MYO16: variants seen among roughly 807,000 people sequenced by gnomAD.
MYO16 encodes unconventional myosin-XVI.
MYO16 carries 94 observed loss-of-function variants against 205.3 expected under a neutral mutation model. The ratio of observed to expected loss-of-function variants is 0.46; its 90% CI spans 0.39 to 0.54. The LOEUF (loss-of-function observed/expected upper bound fraction) is 0.54, where lower values mean the gene tolerates loss of function less well. Among genes scored for constraint, MYO16 ranks in the 20% least tolerant of loss-of-function variants. MYO16 has a pLI of 0.00. For synonymous variants in MYO16, 988 were observed against 954.0 expected, an observed-to-expected ratio of 1.04 and a Z score of -0.66; for missense variants, 2,315 against 2,387.5, an observed-to-expected ratio of 0.97 and a Z score of 0.63.
chr13:108,719,289 G>A (rs1333374044), intron 3 of MYO16, among the ~76,000 whole-genome samples: 1 of 152,158 alleles, frequency 6.6e-6, no homozygotes, highest in Non-Finnish European at 1.5e-5. Context: ...TTTGTAGCAA[G>A]AAAGGGTTTC....
intron 2 of MYO16, among the ~76,000 whole-genome samples, chr13:108,691,398 G>A (rs1882890193): frequency 6.6e-6 from 1 of 152,020 alleles, no homozygotes; most frequent in South Asian, 2.1e-4. Flanking sequence ...AGGGGTGTGT[G>A]TCTGTGTGTG....
the MYO16 span, among the ~76,000 whole-genome samples, chr13:108,509,618 T>C: frequency 6.6e-6 from 1 of 152,196 alleles, no homozygotes; most frequent in East Asian, 1.9e-4. Flanking sequence ...CAGCATAATC[T>C]TGCTTGCTCT....
chr13:108,540,557 A>G, the MYO16 span, among the ~76,000 whole-genome samples: 2 of 152,164 alleles, frequency 1.3e-5, no homozygotes, highest in African/African-American at 4.8e-5. Flanking sequence ...GTGTGATTAT[A>G]CATAACAAAT....
intron 22 of MYO16, among the ~76,000 whole-genome samples, chr13:109,011,831 G>A (rs1885613008): frequency 6.6e-6 from 1 of 152,022 alleles, no homozygotes; most frequent in Non-Finnish European, 1.5e-5. Context: ...TTTAATAGGA[G>A]CAGGAGACTC....
At chr13:108,718,920 G>A (rs1884053222) in intron 3 of MYO16, among the ~76,000 whole-genome samples, 1 of 152,184 alleles carries the variant, frequency 6.6e-6, no homozygotes, top group African/African-American at 2.4e-5. Flanking sequence ...TGGCTTAGGG[G>A]ACAAAAGGGC....
chr13:108,581,918 G>C, the MYO16 span, among the ~76,000 whole-genome samples: 1 of 150,076 alleles, frequency 6.7e-6, no homozygotes, highest in Admixed American at 6.6e-5. Flanking sequence ...AAAAGAAAAA[G>C]TAGGGGAAGT....
At chr13:108,516,394 G>A in the MYO16 span, among the ~76,000 whole-genome samples, 1 of 152,026 alleles carries the variant, frequency 6.6e-6, no homozygotes, top group African/African-American at 2.4e-5. Flanking sequence ...CTAGTGAGAT[G>A]AACCCAGTAC....
At chr13:108,750,502 C>T (rs1885197415) in intron 4 of MYO16, among the ~76,000 whole-genome samples, 2 of 151,688 alleles carry the variant, frequency 1.3e-5, no homozygotes, top group Admixed American at 6.6e-5. Context: ...GGCACAGTGG[C>T]TCACACTTAT....
intron 2 of MYO16, among the ~76,000 whole-genome samples, chr13:108,701,882 T>C (rs1883323186): frequency 6.6e-6 from 1 of 152,006 alleles, no homozygotes; most frequent in East Asian, 1.9e-4. Context: ...AACAAACAAA[T>C]AGAAATTCTG....
intron 27 of MYO16, among the ~76,000 whole-genome samples, chr13:109,084,332 T>G (rs1404460046): frequency 7.3e-6 from 1 of 136,954 alleles, no homozygotes; most frequent in East Asian, 2.1e-4. Context: ...AACTGCCGCC[T>G]CCTCCGTGTG....
intron 32 of MYO16, among the ~76,000 whole-genome samples, chr13:109,163,370 A>AGAGGAGATAATGTCAAGG (rs1878478454): frequency 6.6e-6 from 1 of 152,168 alleles, no homozygotes; most frequent in African/African-American, 2.4e-5. Flanking sequence ...TCGAGAGGCA[A>AGAGGAGATAATGTCAAGG]GAGGAGATAA....
At chr13:108,685,121 C>G (rs1471893958) in intron 2 of MYO16, among the ~76,000 whole-genome samples, 1 of 151,058 alleles carries the variant, frequency 6.6e-6, no homozygotes, top group African/African-American at 2.4e-5. Flanking sequence ...CTTCCGGGTT[C>G]AAGCCATTCT....
chr13:108,790,254 G>C (rs1372056697), intron 5 of MYO16, among the ~76,000 whole-genome samples: 2 of 152,198 alleles, frequency 1.3e-5, no homozygotes, highest in Non-Finnish European at 2.9e-5. Flanking sequence ...ATTACCTTAA[G>C]AGGGACGGTT....
chr13:108,530,040 G>A, the MYO16 span, among the ~76,000 whole-genome samples: 57 of 152,326 alleles, frequency 3.7e-4, no homozygotes, highest in African/African-American at 1.2e-3. Flanking sequence ...GGACAGGTGG[G>A]TCCGTGTGCA....
chr13:108,502,327 A>AT, the MYO16 span, among the ~76,000 whole-genome samples: 1 of 152,204 alleles, frequency 6.6e-6, no homozygotes, highest in Non-Finnish European at 1.5e-5. Flanking sequence ...TTTGTTTCTT[A>AT]TTTTTGATGC....
chr13:109,003,666 T>C (rs1471371522), intron 21 of MYO16, among the ~76,000 whole-genome samples: 1 of 152,230 alleles, frequency 6.6e-6, no homozygotes, highest in Non-Finnish European at 1.5e-5. Flanking sequence ...ACTGCTTTGA[T>C]TAAACCAGGG....
chr13:109,090,949 TTC>T (rs1203521950), intron 27 of MYO16, among the ~76,000 whole-genome samples: 2 of 152,170 alleles, frequency 1.3e-5, no homozygotes, highest in African/African-American at 4.8e-5. Context: ...TTCTTCATAC[TTC>T]TCTCTGTTTT....
chr13:108,508,899 T>C, the MYO16 span, among the ~76,000 whole-genome samples: 6 of 152,332 alleles, frequency 3.9e-5, no homozygotes, highest in African/African-American at 1.2e-4. Context: ...AGTTATCCTG[T>C]TACCATCCCA....
At chr13:108,637,361 G>A (rs1440061649) in intron 1 of MYO16, among the ~76,000 whole-genome samples, 2 of 152,128 alleles carry the variant, frequency 1.3e-5, no homozygotes, top group Non-Finnish European at 2.9e-5. Context: ...GATGGGAAAG[G>A]ATTCCTTATG....
Sources: gnomAD v4.1 joint callset for allele counts (sites outside exome capture counted in the v4.1 genomes callset) on GRCh38, gnomAD v4.1.1 for gene constraint, MANE v1.5 for transcripts, NCBI Gene and HGNC (gene_info 2026-07-23, HGNC 2026-07-21) for gene names.